KCNQ5: variants seen among roughly 807,000 people sequenced by gnomAD.
The protein encoded by KCNQ5 is potassium voltage-gated channel subfamily KQT member 5.
In KCNQ5, 30 loss-of-function variants were observed where a neutral mutation model predicts 98.2. The ratio of observed to expected loss-of-function variants is 0.31; its 90% CI spans 0.23 to 0.41. The LOEUF (loss-of-function observed/expected upper bound fraction) is 0.41. Ranked by LOEUF, KCNQ5 falls within the 10% of genes least tolerant of loss-of-function variation. The pLI is 1.00. For synonymous variants in KCNQ5, 458 were observed against 449.4 expected (o/e 1.02, Z -0.24); for missense variants, 835 against 1,182.5 (o/e 0.71, Z 4.31).
intron 1 of KCNQ5, among the ~76,000 whole-genome samples, chr6:72,946,216 C>T (rs765363579): frequency 2.0e-5 from 3 of 152,156 alleles, no homozygotes; most frequent in Non-Finnish European, 4.4e-5. Context: ...ATATGTGTTC[C>T]TATAGTTCAT....
intron 1 of KCNQ5, among the ~76,000 whole-genome samples, chr6:72,676,374 A>G (rs1035061951): frequency 3.3e-5 from 5 of 152,168 alleles, no homozygotes; most frequent in African/African-American, 1.2e-4. Context: ...ATCATAAAGT[A>G]TTTTACTCTA....
chr6:72,636,962 A>G (rs6931363), intron 1 of KCNQ5, among the ~76,000 whole-genome samples: 61,530 of 151,990 alleles, frequency 0.4, 13,307 homozygotes, highest in Middle Eastern at 0.51. Flanking sequence ...CCCTTGGGAA[A>G]CTTTGGAGCT....
chr6:72,848,769 G>T (rs1777119183), intron 1 of KCNQ5, among the ~76,000 whole-genome samples: 1 of 152,134 alleles, frequency 6.6e-6, no homozygotes, highest in Non-Finnish European at 1.5e-5. Flanking sequence ...GATAGTGAGT[G>T]AGTTCTCACG....
At chr6:72,761,440 A>T (rs2154477035) in intron 1 of KCNQ5, among the ~76,000 whole-genome samples, 1 of 151,886 alleles carries the variant, frequency 6.6e-6, no homozygotes, top group East Asian at 1.9e-4. Context: ...TTATTCTTTG[A>T]TTTTATTCTT....
chr6:73,073,543 C>T (rs1046268694), intron 3 of KCNQ5, among the ~76,000 whole-genome samples: 10 of 152,240 alleles, frequency 6.6e-5, no homozygotes, highest in East Asian at 3.9e-4. Flanking sequence ...TGTCCCCATT[C>T]GGAATCATTG....
At chr6:73,061,890 T>G (rs918627532) in intron 3 of KCNQ5, among the ~76,000 whole-genome samples, 10 of 152,132 alleles carry the variant, frequency 6.6e-5, no homozygotes, top group African/African-American at 2.4e-4. Flanking sequence ...AATCCTAGAA[T>G]CGATACCTAC....
chr6:73,017,859 A>G lies in KCNQ5; in HGVS notation c.489+13861A>G, dbSNP rs73753224. Among the ~76,000 whole-genome samples, 595 of 152,208 alleles carry G rather than the reference A, an allele frequency of 3.9e-3. 3 individuals carry two copies. The highest frequency in any genetic ancestry group is 0.013 in the African/African-American group (558 of 41,516). ...AGAACACTGCAGAAGAGTCTTAACA[A>G]AGAAATGGAAACTCCAGACCAAAAC... On this transcript the variant is annotated intron_variant, in intron 2 of 13. Transcript: ENST00000370398.
chr6:73,145,225 A>C (rs574224411), intron 10 of KCNQ5, among the ~76,000 whole-genome samples: 1 of 152,218 alleles, frequency 6.6e-6, no homozygotes, highest in Non-Finnish European at 1.5e-5. Flanking sequence ...ATTTTCTATG[A>C]ATTGGCTCAT....
intron 2 of KCNQ5, among the ~76,000 whole-genome samples, chr6:73,035,985 T>TTGTGTGTGTGTGTGTGTGTG (rs70994155): frequency 1.4e-5 from 2 of 140,444 alleles, no homozygotes; most frequent in African/African-American, 5.4e-5. Context: ...TTGAATACAT[T>TTGTGTGTGTGTGTGTGTGTG]TGTGTGTGTG....
intron 1 of KCNQ5, among the ~76,000 whole-genome samples, chr6:72,814,434 T>A (rs1057033889): frequency 6.6e-6 from 1 of 152,210 alleles, no homozygotes; most frequent in African/African-American, 2.4e-5. Context: ...ACCAACCTCA[T>A]AGATTCCTGT....
intron 1 of KCNQ5, among the ~76,000 whole-genome samples, chr6:72,917,228 A>C (rs1780185743): frequency 6.6e-6 from 1 of 152,162 alleles, no homozygotes; most frequent in Non-Finnish European, 1.5e-5. Flanking sequence ...AGATTGAATA[A>C]ATCTTGAGAA....
At chr6:72,666,497 T>C (rs972329275) in intron 1 of KCNQ5, among the ~76,000 whole-genome samples, 5 of 152,196 alleles carry the variant, frequency 3.3e-5, no homozygotes, top group African/African-American at 1.2e-4. Context: ...TAAACTCTGT[T>C]TTGAATCAAT....
intron 1 of KCNQ5, among the ~76,000 whole-genome samples, chr6:72,792,233 CT>C (rs1200221519): frequency 6.6e-6 from 1 of 152,058 alleles, no homozygotes; most frequent in Non-Finnish European, 1.5e-5. Flanking sequence ...GTCTCATAGT[CT>C]TTCTCTTTTA....
chr6:73,100,532 G>A (rs1433850360), intron 5 of KCNQ5, among the ~76,000 whole-genome samples: 2 of 151,864 alleles, frequency 1.3e-5, no homozygotes, highest in Non-Finnish European at 2.9e-5. Flanking sequence ...AGCTGGGCGT[G>A]GTGGCAGGCG....
chr6:72,683,363 C>CTTT (rs142268901), intron 1 of KCNQ5, among the ~76,000 whole-genome samples: 8 of 113,264 alleles, frequency 7.1e-5, no homozygotes, highest in Non-Finnish European at 1.0e-4. Flanking sequence ...GCCACATATA[C>CTTT]TTTTTTTTTT....
intron 2 of KCNQ5, among the ~76,000 whole-genome samples, chr6:73,013,258 A>G (rs1025326773): frequency 6.6e-6 from 1 of 152,112 alleles, no homozygotes; most frequent in African/African-American, 2.4e-5. Flanking sequence ...AACTGATTTC[A>G]ATTGTTGAAG....
chr6:72,957,207 G>A (rs180810704), intron 1 of KCNQ5, among the ~76,000 whole-genome samples: 140 of 134,614 alleles, frequency 1.0e-3, no homozygotes, highest in Admixed American at 2.8e-3. Flanking sequence ...GTCTTGCTCC[G>A]TTGCCCAGGC....
chr6:72,840,775 T>C (rs1428241816), intron 1 of KCNQ5, among the ~76,000 whole-genome samples: 2 of 152,216 alleles, frequency 1.3e-5, no homozygotes, highest in African/African-American at 2.4e-5. Flanking sequence ...TATAGGAATG[T>C]ATGAAGTTTA....
intron 1 of KCNQ5, among the ~76,000 whole-genome samples, chr6:72,873,557 T>C (rs140933925): frequency 6.6e-6 from 1 of 152,078 alleles, no homozygotes; most frequent in East Asian, 1.9e-4. Flanking sequence ...TATTTCTGCT[T>C]CCAGATATCA....
Sources: gnomAD v4.1 joint callset for allele counts (sites outside exome capture counted in the v4.1 genomes callset) on GRCh38, gnomAD v4.1.1 for gene constraint, MANE v1.5 for transcripts, NCBI Gene and HGNC (gene_info 2026-07-23, HGNC 2026-07-21) for gene names.